Variants in MAPK6 observed in about 807,000 individuals in gnomAD.
The protein encoded by MAPK6 is mitogen-activated protein kinase 6, also known as ERK-3.
Under a neutral mutation model 59.3 loss-of-function variants are expected in MAPK6, and 19 were observed. That is an observed-to-expected ratio of 0.32 (90% CI 0.22 to 0.47). The LOEUF (loss-of-function observed/expected upper bound fraction) is 0.47. Ranked by LOEUF, MAPK6 falls within the 20% of genes least tolerant of loss-of-function variation. The probability of loss-of-function intolerance (pLI) is 1.00; values close to 1 mark genes in which losing one functional copy is unlikely to be tolerated. For missense variants in MAPK6, 724 were observed against 847.9 expected, an observed-to-expected ratio of 0.85 and a Z score of 1.81; for synonymous variants, 316 against 290.3, an observed-to-expected ratio of 1.09 and a Z score of -0.90.
At chr15:51,992,789 A>C (rs1461955362) in intron 2 of MAPK6, among the ~76,000 whole-genome samples, 1 of 152,120 alleles carries the variant, frequency 6.6e-6, no homozygotes, top group African/African-American at 2.4e-5. Flanking sequence ...AAAGAATATC[A>C]CAAAGGATAC....
At chr15:51,988,548 A>G (rs1217719756) in intron 2 of MAPK6, among the ~76,000 whole-genome samples, 1 of 152,118 alleles carries the variant, frequency 6.6e-6, no homozygotes, top group Non-Finnish European at 1.5e-5. Context: ...CCTGGCCAAC[A>G]TTATGAAACC....
chr15:51,997,911 T>TTTTC (rs991701687), intron 2 of MAPK6, among the ~76,000 whole-genome samples: 1 of 145,014 alleles, frequency 6.9e-6, no homozygotes, highest in African/African-American at 2.7e-5. Flanking sequence ...ATTTTCTTTC[T>TTTTC]TTTCTTTCTT....
chr15:52,064,323 AGGAAT>A lies in MAPK6; in HGVS notation c.1493_1497del (p.Asn498IlefsTer3). Reference sequence around the variant, plus strand: ...TAAGAAAGGCAAATCAAAATGTGAAAGGAATGGATTGGTTAAAGCCCAGATAGCGC... The same window carrying A: ...TAAGAAAGGCAAATCAAAATGTGAAAGGATTGGTTAAAGCCCAGATAGCGC... On this transcript the variant is annotated frameshift_variant, in exon 6 of 6. Coordinates refer to ENST00000261845, the MANE Select transcript of MAPK6 (RefSeq NM_002748.4). LOFTEE classifies it high-confidence loss of function. The A allele has an allele frequency of 6.2e-7, 1 of 1,610,100 alleles. No individual in the cohort carries two copies. Among genetic ancestry groups the A allele is most frequent in the African/African-American group, 1.3e-5 (1 of 74,846 alleles).
chr15:51,981,427 G>A (rs774066561), intron 1 of MAPK6, among the ~76,000 whole-genome samples: 29 of 151,196 alleles, frequency 1.9e-4, no homozygotes, highest in Non-Finnish European at 2.8e-4. Flanking sequence ...AGCCGAGATC[G>A]TGCCACTGCA....
chr15:52,011,425 G>C (rs1399873184), intron 3 of MAPK6: 4 of 152,216 alleles, frequency 2.6e-5, no homozygotes, highest in Non-Finnish European at 5.9e-5. Flanking sequence ...TATTGCTGAA[G>C]TGCTGTATAG....
chr15:52,066,770 G>GTC lies in MAPK6; in HGVS notation c.*1771_*1772insCT, dbSNP rs1160132997. The GTC allele has an allele frequency of 1.1e-5, 1 of 89,826 alleles. No individual in the cohort carries two copies. Among genetic ancestry groups the GTC allele is most frequent in the Non-Finnish European group, 2.3e-5 (1 of 44,002 alleles). 5.6% of individuals were successfully genotyped at this position (89,826 alleles called of 1,614,324 possible). On this transcript the variant is annotated 3_prime_UTR_variant, in exon 6 of 6. Transcript: ENST00000261845. Reference sequence around the variant, plus strand: ...CAAAGCCATATATATACACGTGTGTGTGTGTGTGTGTGTGTGTGTGTGTAT... The same window carrying GTC: ...CAAAGCCATATATATACACGTGTGTGTCTGTGTGTGTGTGTGTGTGTGTGTAT...
At chr15:52,053,344 A>G (rs1010946535) in intron 3 of MAPK6, among the ~76,000 whole-genome samples, 7 of 151,884 alleles carry the variant, frequency 4.6e-5, no homozygotes, top group Admixed American at 3.3e-4. Context: ...CCAAAGTGCA[A>G]GGATTACAGG....
intron 1 of MAPK6, among the ~76,000 whole-genome samples, chr15:51,976,666 C>T (rs1376835109): frequency 1.3e-5 from 2 of 151,614 alleles, no homozygotes; most frequent in Admixed American, 6.6e-5. Context: ...TGAAGGAGGC[C>T]GGGTGTGGTG....
At chr15:52,041,491 C>T (rs1216501148) in intron 1 of MAPK6, among the ~76,000 whole-genome samples, 3 of 152,176 alleles carry the variant, frequency 2.0e-5, no homozygotes, top group East Asian at 3.8e-4. Context: ...CCACCGCGCC[C>T]GGCCTTAACT....
chr15:52,009,888 T>G (rs1192011103), intron 3 of MAPK6, among the ~76,000 whole-genome samples: 1 of 151,994 alleles, frequency 6.6e-6, no homozygotes, highest in East Asian at 1.9e-4. Context: ...TTCTCCTGCT[T>G]TAGCCTCCTG....
At position 52,061,383 on chromosome 15, in the gene MAPK6, G is replaced by A; in HGVS notation, c.950G>A (p.Ser317Asn). ...GAAGCACTCTCCCATCCTTACATGA[G>A]CATATATTCTTTTCCAATGGATGAG... Reference protein sequence around the residue: ...AEEALSHPYMSIYSFPMDEPI... With the variant: ...AEEALSHPYMNIYSFPMDEPI... Residue 317 changes from serine to asparagine, a missense_variant, in exon 5 of 6, where the codon AGC (serine) becomes AAC (asparagine). This residue lies in a region of MAPK6 where 502 missense variants were observed against 507.6 expected (regional missense o/e 0.99). Transcript: ENST00000261845. 1.2e-6 allele frequency: 2 copies of A among 1,613,846 alleles called. No individual in the cohort carries two copies. Among genetic ancestry groups the A allele is most frequent in the East Asian group, 2.2e-5 (1 of 44,868 alleles).
chr15:52,028,875 A>G (rs780814607), intron 1 of MAPK6, among the ~76,000 whole-genome samples: 3 of 152,082 alleles, frequency 2.0e-5, no homozygotes, highest in Non-Finnish European at 4.4e-5. Context: ...CACTAAAACT[A>G]CTCTAGTCAA....
chr15:52,046,763 G>C lies in MAPK6; in HGVS notation c.303G>C (p.Leu101=), dbSNP rs775652618. The change falls in exon 2 of 6, where the codon CTG becomes CTC. Residue 101 remains leucine, a synonymous_variant. Transcript: ENST00000261845. ...ACGATGTGGGCTCTCTTACGGAACT[G>C]AACAGTGTTTACATTGTTCAGGAGT... The part of the protein sequence containing the change: ...LTDDVGSLTE[L]NSVYIVQEYM... The C allele has an allele frequency of 1.9e-6, 3 of 1,614,126 alleles. No homozygotes were observed. The highest frequency in any genetic ancestry group is 2.5e-6 in the Non-Finnish European group (3 of 1,179,980).
intron 1 of MAPK6, among the ~76,000 whole-genome samples, chr15:52,032,172 C>T (rs929385900): frequency 1.3e-5 from 2 of 150,782 alleles, no homozygotes; most frequent in African/African-American, 2.4e-5. Context: ...CCGTGCCCAG[C>T]CCAACAATTT....
At chr15:52,060,942 A>G (rs1454213325) in intron 4 of MAPK6, among the ~76,000 whole-genome samples, 1 of 152,236 alleles carries the variant, frequency 6.6e-6, no homozygotes, top group East Asian at 1.9e-4. Flanking sequence ...TAGCCTATCC[A>G]GCACTACAGT....
chr15:51,990,727 G>A (rs2057205445), intron 2 of MAPK6, among the ~76,000 whole-genome samples: 1 of 152,224 alleles, frequency 6.6e-6, no homozygotes, highest in African/African-American at 2.4e-5. Context: ...AAGGCAGGCG[G>A]ATCACGAGGT....
intron 2 of MAPK6, among the ~76,000 whole-genome samples, chr15:51,984,344 C>G (rs893701898): frequency 1.3e-5 from 2 of 151,496 alleles, no homozygotes; most frequent in Non-Finnish European, 2.9e-5. Flanking sequence ...TACAGTGACA[C>G]AATCTCGGCT....
At chr15:52,010,407 GT>G (rs2030019335) in intron 3 of MAPK6, among the ~76,000 whole-genome samples, 1 of 150,498 alleles carries the variant, frequency 6.6e-6, no homozygotes, top group African/African-American at 2.4e-5. Context: ...TAGAGACAGG[GT>G]TTCTCCATGT....
At chr15:52,000,112 T>G (rs2057237955) in intron 2 of MAPK6, among the ~76,000 whole-genome samples, 1 of 152,030 alleles carries the variant, frequency 6.6e-6, no homozygotes, top group South Asian at 2.1e-4. Context: ...TAATTTTGTT[T>G]TTTTTTTTAA....
Sources: gnomAD v4.1 joint callset for allele counts (sites outside exome capture counted in the v4.1 genomes callset) on GRCh38, gnomAD v4.1.1 for gene constraint, gnomAD v4.1.1 regional missense constraint, MANE v1.5 for transcripts, NCBI Gene and HGNC (gene_info 2026-07-23, HGNC 2026-07-21) for gene names.